The following ZNF462 variants were observed in gnomAD, a reference collection of about 807,000 sequenced individuals.
ZNF462 encodes zinc finger PBX1-interacting protein.
Under a neutral mutation model 201.9 loss-of-function variants are expected in ZNF462, and 10 were observed. The ratio of observed to expected loss-of-function variants is 0.05; its 90% CI spans 0.03 to 0.08. The LOEUF (loss-of-function observed/expected upper bound fraction) is 0.08. Ranked by LOEUF, ZNF462 falls within the 10% of genes least tolerant of loss-of-function variation. The probability of loss-of-function intolerance (pLI) is 1.00; values close to 1 mark genes in which losing one functional copy is unlikely to be tolerated. For missense variants in ZNF462, 2,523 were observed against 3,168.3 expected, an observed-to-expected ratio of 0.80 and a Z score of 4.89; for synonymous variants, 1,227 against 1,193.3, an observed-to-expected ratio of 1.03 and a Z score of -0.58.
chr9:106,937,465 C>G (rs971715328), intron 6 of ZNF462, among the ~76,000 whole-genome samples: 3 of 152,152 alleles, frequency 2.0e-5, no homozygotes, highest in African/African-American at 7.2e-5. Context: ...TTCATTTTCA[C>G]TGGTCCACAA....
chr9:107,011,000 C>A lies in ZNF462; in HGVS notation c.7491C>A (p.Leu2497=). ...AICVVTADKS[L]LENAEAKKE ...GTGTAGTAACTGCCGACAAATCTCT[C>A]CTGGAGAATGCAGAGGCCAAAAAAG... Residue 2497 remains leucine (L), a synonymous_variant, in exon 13 of 13, where the codon CTC becomes CTA. Transcript: ENST00000277225. The surrounding 1 kb of genome is among the most constrained non-coding windows in gnomAD (Gnocchi z 4.6). 6.2e-7 allele frequency: 1 copy of A among 1,613,604 alleles called. No homozygotes were observed. Among genetic ancestry groups the A allele is most frequent in the Non-Finnish European group, 8.5e-7 (1 of 1,179,862 alleles).
At position 106,929,397 on chromosome 9, in the gene ZNF462, T is replaced by C. The variant is rs1177324998; in HGVS notation, c.5485T>C (p.Phe1829Leu). 6.2e-7 allele frequency: 1 copy of C among 1,614,028 alleles called. No individual in the cohort carries two copies. Among genetic ancestry groups the C allele is most frequent in the East Asian group, 2.2e-5 (1 of 44,848 alleles). Residue 1829 changes from phenylalanine (F) to leucine (L), a missense_variant, in exon 3 of 13, where the codon TTT becomes CTT. Phe to Leu is a conservative substitution (Grantham distance 22). Transcript: ENST00000277225. This position sits in a 1 kb window ranked among gnomAD's most constrained non-coding sequence, Gnocchi z 8.7. ...GATGGAAGAAGAGGAGAGAGGCAAC[T>C]TTGAGAAAGCCGAGGTGGAGGGTGA... ...TLMEEEERGN[F>L]EKAEVEGEAQ...
chr9:106,949,077 T>G (rs909237801), intron 7 of ZNF462, among the ~76,000 whole-genome samples: 1 of 152,244 alleles, frequency 6.6e-6, no homozygotes. Context: ...GATTACAGAC[T>G]GCCTAGACTG....
Position 106,926,143 on chromosome 9 carries a change from C to G in ZNF462, c.2231C>G (p.Pro744Arg). 1 of 1,614,096 alleles carries G rather than the reference C, an allele frequency of 6.2e-7. No homozygotes were observed. The highest frequency in any genetic ancestry group is 8.5e-7 in the Non-Finnish European group (1 of 1,180,012). ...GTTGAGTTGGACAGGGAGGAAGAAC[C>G]GACAGAACCCATCATAGAGGTTCCC... is the stretch of plus-strand genomic sequence containing the variant. ...IEVELDREEE[P>R]TEPIIEVPTS... Residue 744 changes from proline to arginine, a missense_variant, in exon 3 of 13, where the codon CCG (proline) becomes CGG (arginine). This residue lies in a region of ZNF462 where 383 missense variants were observed against 453.4 expected (regional missense o/e 0.84). Transcript: ENST00000277225. The surrounding 1 kb of genome is among the most constrained non-coding windows in gnomAD (Gnocchi z 7.9).
rs539882849 is a variant in ZNF462, at chr9:106,927,152, A to G, written c.3240A>G (p.Gln1080=). 6.2e-6 allele frequency: 10 copies of G among 1,614,092 alleles called. No homozygotes were observed. The East Asian group carries it at 2.0e-4, about 32-fold the overall frequency. Residue 1080 remains glutamine (Q), a synonymous_variant, in exon 3 of 13, where the codon CAA becomes CAG. Coordinates refer to ENST00000277225, the MANE Select transcript of ZNF462 (RefSeq NM_021224.6). ...VSVDRGSALS[Q]LSFEVGAPMS... is the part of the protein sequence containing the mutation. ...TGGACAGGGGCTCTGCCCTTTCTCA[A>G]TTATCATTTGAGGTGGGTGCTCCAA... is the stretch of plus-strand genomic sequence containing the variant.
intron 9 of ZNF462, chr9:106,979,678 C>T (rs957874001): frequency 1.4e-5 from 2 of 141,770 alleles, no homozygotes; most frequent in Non-Finnish European, 3.0e-5. Flanking sequence ...GACTAAAAAA[C>T]AGGTGAATAA....
intron 1 of ZNF462, among the ~76,000 whole-genome samples, chr9:106,914,899 G>A (rs905154542): frequency 6.6e-6 from 1 of 152,002 alleles, no homozygotes; most frequent in South Asian, 2.1e-4. Flanking sequence ...TTTATAAGAA[G>A]GCAGTCACAT....
Position 106,928,024 on chromosome 9 carries a change from G to A in ZNF462, c.4112G>A (p.Cys1371Tyr). Residue 1371 changes from cysteine (C) to tyrosine (Y), a missense_variant, in exon 3 of 13, where the codon TGC becomes TAC. Coordinates refer to ENST00000277225, the MANE Select transcript of ZNF462 (RefSeq NM_021224.6). The surrounding 1 kb of genome is among the most constrained non-coding windows in gnomAD (Gnocchi z 9.3). ...TMPAEAKTYR[C>Y]RDCVFEAVSI... ...CCAGCCGAAGCCAAAACCTACAGAT[G>A]CAGGGACTGTGTTTTCGAAGCTGTT... is the stretch of plus-strand genomic sequence containing the variant. 6.2e-7 allele frequency: 1 copy of A among 1,614,178 alleles called. No individual in the cohort carries two copies. Among genetic ancestry groups the A allele is most frequent in the Non-Finnish European group, 8.5e-7 (1 of 1,180,040 alleles).
chr9:106,924,341 T>C lies in ZNF462; in HGVS notation c.429T>C (p.Pro143=), dbSNP rs1830101819. 4 of 1,614,158 alleles carry C rather than the reference T, an allele frequency of 2.5e-6. No individual in the cohort carries two copies. Among genetic ancestry groups the C allele is most frequent in the African/African-American group, 2.7e-5 (2 of 75,058 alleles). The change falls in exon 3 of 13, where the codon CCT becomes CCC. Residue 143 remains proline (P), a synonymous_variant. Coordinates refer to ENST00000277225, the MANE Select transcript of ZNF462 (RefSeq NM_021224.6). This position sits in a 1 kb window ranked among gnomAD's most constrained non-coding sequence, Gnocchi z 6.2. ...AQAEGSSSGP[P]VPGSLNYNIM... ...CTGAAGGGAGTTCATCAGGACCCCC[T>C]GTCCCGGGATCCTTAAATTATAATA...
chr9:106,940,817 G>A (rs530389389), intron 7 of ZNF462, among the ~76,000 whole-genome samples: 13 of 152,058 alleles, frequency 8.5e-5, no homozygotes, highest in Admixed American at 3.3e-4. Flanking sequence ...AGTACCTGTG[G>A]AAGGGTAAAG....
rs1467428304 is a variant in ZNF462 at position 106,872,717 on chromosome 9, C to G, written c.-31+9362C>G. On this transcript the variant is annotated intron_variant, in intron 1 of 12. Transcript: ENST00000277225. This position sits in a 1 kb window ranked among gnomAD's most constrained non-coding sequence, Gnocchi z 4.5. ...GGAGTTCAGTTGCAAGAACTTCCCC[C>G]CTTTCTGCTGTCAATTGAATATTGT... 6.6e-6 allele frequency among the ~76,000 whole-genome samples: 1 copy of G among 152,080 alleles called. No individual in the cohort carries two copies. The highest frequency in any genetic ancestry group is 2.4e-5 in the African/African-American group (1 of 41,412).
chr9:106,873,217 A>G (rs943939664), intron 1 of ZNF462, among the ~76,000 whole-genome samples: 3 of 152,236 alleles, frequency 2.0e-5, no homozygotes, highest in African/African-American at 7.2e-5. Flanking sequence ...ATTTGATATG[A>G]GAGATATAAC....
intron 8 of ZNF462, among the ~76,000 whole-genome samples, chr9:106,973,722 C>G (rs543602921): frequency 1.2e-4 from 19 of 152,088 alleles, no homozygotes; most frequent in South Asian, 2.1e-4. Context: ...GTCCTCCCCC[C>G]CTTACCTGTG....
Position 106,928,409 on chromosome 9 carries a change from G to A in ZNF462, c.4497G>A (p.Lys1499=). Residue 1499 remains lysine, a synonymous_variant, in exon 3 of 13, where the codon AAG becomes AAA. Coordinates refer to ENST00000277225, the MANE Select transcript of ZNF462 (RefSeq NM_021224.6). This position sits in a 1 kb window ranked among gnomAD's most constrained non-coding sequence, Gnocchi z 9.3. ...YGKKHPGMKV[K]AADFAQDIDI... is the part of the protein sequence containing the mutation. Reference sequence around the variant, plus strand: ...AGAAGCACCCTGGCATGAAAGTGAAGGCTGCTGACTTTGCCCAGGACATTG... The same window carrying A: ...AGAAGCACCCTGGCATGAAAGTGAAAGCTGCTGACTTTGCCCAGGACATTG... The A allele has an allele frequency of 6.2e-7, 1 of 1,614,120 alleles. No individual in the cohort carries two copies. Among genetic ancestry groups the A allele is most frequent in the South Asian group, 1.1e-5 (1 of 91,082 alleles).
At chr9:106,910,765 A>AT (rs1291116469) in intron 1 of ZNF462, among the ~76,000 whole-genome samples, 6 of 151,492 alleles carry the variant, frequency 4.0e-5, no homozygotes, top group African/African-American at 7.3e-5. Context: ...ATTAGCCACC[A>AT]TTTTTTTCTG....
In ZNF462 at chr9:106,938,029, C is replaced by T. The variant is rs1010549236; in HGVS notation, c.6236-887C>T. Among the ~76,000 whole-genome samples the T allele has an allele frequency of 2.6e-5, 4 of 151,912 alleles. No homozygotes were observed. Among genetic ancestry groups the T allele is most frequent in the African/African-American group, 9.7e-5 (4 of 41,356 alleles). On this transcript the variant is annotated intron_variant, in intron 6 of 12. Coordinates refer to ENST00000277225, the MANE Select transcript of ZNF462 (RefSeq NM_021224.6). This position sits in a 1 kb window ranked among gnomAD's most constrained non-coding sequence, Gnocchi z 4.4. ...ATTGATCTTACCAGTGTATATATGT[C>T]CAACAATTTAAGCCTGCCCACTTCA...
At chr9:106,899,146 C>G (rs1056951886) in intron 1 of ZNF462, among the ~76,000 whole-genome samples, 6 of 148,888 alleles carry the variant, frequency 4.0e-5, no homozygotes, top group African/African-American at 1.2e-4. Context: ...GCCTCTTTGA[C>G]TCTTACCTAT....
At chr9:106,864,056 C>CTG (rs1827187984) in intron 1 of ZNF462, among the ~76,000 whole-genome samples, 2 of 70,386 alleles carry the variant, frequency 2.8e-5, no homozygotes, top group Non-Finnish European at 6.0e-5. Flanking sequence ...CTCTCTCTCT[C>CTG]TCTCTCTCTC....
intron 7 of ZNF462, among the ~76,000 whole-genome samples, chr9:106,956,008 C>T (rs778370384): frequency 3.3e-5 from 5 of 152,118 alleles, no homozygotes; most frequent in Non-Finnish European, 5.9e-5. Flanking sequence ...TTCGACACTC[C>T]TGCTAATGTT....
Sources: allele counts gnomAD v4.1 joint callset (sites outside exome capture counted in the v4.1 genomes callset), GRCh38; gene constraint gnomAD v4.1.1; regional missense constraint gnomAD v4.1.1; non-coding constraint Gnocchi (gnomAD v3.1); transcripts MANE v1.5; gene names NCBI Gene and HGNC (gene_info 2026-07-23, HGNC 2026-07-21).